Variants in EPHA7 observed in about 807,000 individuals in gnomAD.
EPHA7 encodes ephrin type-A receptor 7.
Under a neutral mutation model 112.6 loss-of-function variants are expected in EPHA7, and 25 were observed. The observed-to-expected ratio is 0.22, with a 90% confidence interval of 0.16 to 0.31. EPHA7 has a LOEUF of 0.31. EPHA7 is among the 10% of genes least tolerant of loss of function. The pLI, the probability that EPHA7 is intolerant of heterozygous loss-of-function variation, is 1.00. For missense variants in EPHA7, 962 were observed against 1,212.6 expected (o/e 0.79, Z 3.07); for synonymous variants, 437 against 406.5 (o/e 1.07, Z -0.90).
intron 5 of EPHA7, among the ~76,000 whole-genome samples, chr6:93,321,200 C>T (rs1231993671): frequency 6.6e-6 from 1 of 151,898 alleles, no homozygotes; most frequent in African/African-American, 2.4e-5. Context: ...TGGTCTCCAC[C>T]AAGTTTGTCT....
intron 5 of EPHA7, among the ~76,000 whole-genome samples, chr6:93,289,102 T>C (rs1772221855): frequency 6.6e-6 from 1 of 152,132 alleles, no homozygotes; most frequent in South Asian, 2.1e-4. Flanking sequence ...TTTCCCCCCA[T>C]ATAAGTTCTA....
chr6:93,390,209 G>A (rs960404096), intron 3 of EPHA7, among the ~76,000 whole-genome samples: 2 of 149,928 alleles, frequency 1.3e-5, no homozygotes, highest in Non-Finnish European at 3.0e-5. Context: ...AAAGGTAACT[G>A]GTCTGGATTC....
At position 93,368,232 on chromosome 6, in the gene EPHA7, CCTTAA is replaced by C. The variant is rs1562129991; in HGVS notation, c.833-9826_833-9822del. Among the ~76,000 whole-genome samples, 3 of 151,992 alleles carry C rather than the reference CCTTAA, an allele frequency of 2.0e-5. No homozygotes were observed. The South Asian group carries it at 6.2e-4, about 32-fold the overall frequency. The stretch of plus-strand genomic sequence containing the variant: ...ACTTATATAAATTATAAACATTGTA[CCTTAA>C]CTTGTATCTTTTACAGCATGCCCAA... On this transcript the variant is annotated intron_variant, in intron 3 of 16. Transcript: ENST00000369303.
At chr6:93,413,715 A>C (rs1212805165) in intron 2 of EPHA7, among the ~76,000 whole-genome samples, 3 of 151,956 alleles carry the variant, frequency 2.0e-5, no homozygotes, top group Non-Finnish European at 4.4e-5. Flanking sequence ...AATTTAATGA[A>C]AACTCTAAAT....
intron 2 of EPHA7, among the ~76,000 whole-genome samples, chr6:93,412,669 A>T (rs1350906274): frequency 6.6e-6 from 1 of 152,086 alleles, no homozygotes; most frequent in East Asian, 1.9e-4. Context: ...AACCAAATTC[A>T]TCCATTTGGA....
intron 3 of EPHA7, among the ~76,000 whole-genome samples, chr6:93,362,192 T>C (rs555552347): frequency 1.3e-5 from 2 of 152,098 alleles, no homozygotes; most frequent in East Asian, 3.9e-4. Flanking sequence ...AAGTTTTTGC[T>C]TAGTCTGTTC....
chr6:93,308,066 A>G (rs182203976), intron 5 of EPHA7, among the ~76,000 whole-genome samples: 19 of 152,298 alleles, frequency 1.2e-4, no homozygotes, highest in Non-Finnish European at 2.1e-4. Flanking sequence ...AGTGTGCAGA[A>G]AAAGCTAACA....
chr6:93,285,805 A>G (rs1772034150), intron 5 of EPHA7, among the ~76,000 whole-genome samples: 1 of 152,218 alleles, frequency 6.6e-6, no homozygotes, highest in Admixed American at 6.5e-5. Flanking sequence ...AAAACTAACT[A>G]GGATATAAAT....
chr6:93,271,526 G>A (rs1191396898), intron 6 of EPHA7, among the ~76,000 whole-genome samples: 1 of 151,872 alleles, frequency 6.6e-6, no homozygotes, highest in Non-Finnish European at 1.5e-5. Context: ...ACCTTGCACT[G>A]AGTCTGTCTG....
chr6:93,409,154 C>A (rs1778855544), intron 3 of EPHA7, among the ~76,000 whole-genome samples: 1 of 151,914 alleles, frequency 6.6e-6, no homozygotes, highest in African/African-American at 2.4e-5. Flanking sequence ...TAAAAATATT[C>A]TACTAGAATG....
chr6:93,408,707 T>C (rs1562165086), intron 3 of EPHA7, among the ~76,000 whole-genome samples: 1 of 152,134 alleles, frequency 6.6e-6, no homozygotes, highest in Non-Finnish European at 1.5e-5. Context: ...GTACTTTACA[T>C]GCTTAGCAGC....
intron 5 of EPHA7, among the ~76,000 whole-genome samples, chr6:93,342,748 T>C (rs1775203932): frequency 6.6e-6 from 1 of 151,622 alleles, no homozygotes; most frequent in African/African-American, 2.4e-5. Context: ...AATTTCTATA[T>C]TGAGTTATCG....
At chr6:93,248,063 T>C (rs1318845601) in intron 14 of EPHA7, among the ~76,000 whole-genome samples, 1 of 152,016 alleles carries the variant, frequency 6.6e-6, no homozygotes, top group Non-Finnish European at 1.5e-5. Flanking sequence ...AACAAATCCT[T>C]TGACACTGAC....
At chr6:93,331,598 T>C (rs1774595719) in intron 5 of EPHA7, among the ~76,000 whole-genome samples, 1 of 151,420 alleles carries the variant, frequency 6.6e-6, no homozygotes, top group Non-Finnish European at 1.5e-5. Flanking sequence ...TTCAAAGAAA[T>C]GATCATGGAG....
intron 5 of EPHA7, among the ~76,000 whole-genome samples, chr6:93,348,852 T>C (rs964414011): frequency 2.0e-5 from 3 of 149,704 alleles, no homozygotes; most frequent in African/African-American, 7.4e-5. Flanking sequence ...AATATGTTGA[T>C]GGGGCTAGAG....
At chr6:93,314,746 G>A (rs902922112) in intron 5 of EPHA7, among the ~76,000 whole-genome samples, 3 of 150,970 alleles carry the variant, frequency 2.0e-5, no homozygotes, top group Admixed American at 6.6e-5. Flanking sequence ...AGATATTATA[G>A]TTATTGAATA....
In EPHA7 at chr6:93,269,581, A is replaced by G. The variant is rs778224828; in HGVS notation, c.1529T>C (p.Val510Ala). Residue 510 changes from valine to alanine, a missense_variant, in exon 7 of 17, where the codon GTG becomes GCG. Val to Ala is a moderately conservative substitution (Grantham distance 64). Transcript: ENST00000369303. Reference protein sequence around the residue: ...ASINNLKPGTVYVFQIRAFTA... With the variant: ...ASINNLKPGTAYVFQIRAFTA... ...AAAAGCCCGAATCTGGAAAACATAC[A>G]CTGTTCCTGGTTTCAGATTATTAAT... The G allele has an allele frequency of 6.2e-7, 1 of 1,607,322 alleles. No homozygotes were observed. The highest frequency in any genetic ancestry group is 8.5e-7 in the Non-Finnish European group (1 of 1,176,552).
chr6:93,404,507 C>A (rs1359985244), intron 3 of EPHA7, among the ~76,000 whole-genome samples: 2 of 151,514 alleles, frequency 1.3e-5, no homozygotes, highest in Non-Finnish European at 2.9e-5. Flanking sequence ...AAGTACTTAA[C>A]CCAAAGTAAC....
chr6:93,279,709 G>C (rs191621711), intron 5 of EPHA7, among the ~76,000 whole-genome samples: 4 of 152,286 alleles, frequency 2.6e-5, no homozygotes, highest in Admixed American at 2.6e-4. Context: ...TGTGTGAGAG[G>C]AACTTGTGTC....
Sources: allele counts gnomAD v4.1 joint callset (sites outside exome capture counted in the v4.1 genomes callset), GRCh38; gene constraint gnomAD v4.1.1; transcripts MANE v1.5; gene names NCBI Gene and HGNC (gene_info 2026-07-23, HGNC 2026-07-21).